SQLE: variants seen among roughly 807,000 people sequenced by gnomAD.
The protein encoded by SQLE is squalene monooxygenase.
Under a neutral mutation model 60.7 loss-of-function variants are expected in SQLE, and 29 were observed. The observed-to-expected ratio is 0.48, with a 90% CI of 0.36 to 0.65. The LOEUF (loss-of-function observed/expected upper bound fraction) is 0.65, where lower values mean the gene tolerates loss of function less well. Ranked by LOEUF, SQLE falls within the 30% of genes least tolerant of loss-of-function variation. SQLE has a pLI of 0.00. For synonymous variants in SQLE, 237 were observed against 246.8 expected (o/e 0.96, Z 0.37); for missense variants, 605 against 684.1 (o/e 0.88, Z 1.29).
chr8:125,011,961 G>A (rs1815046374), intron 7 of SQLE, among the ~76,000 whole-genome samples: 1 of 151,524 alleles, frequency 6.6e-6, no homozygotes, highest in African/African-American at 2.4e-5. Context: ...TGCAGAGCAG[G>A]GAGGGAAGCT....
chr8:125,020,753 C>CATATTG, intron 9 of SQLE, 31 bp from the exon 10 acceptor site: 1 of 1,364,770 alleles, frequency 7.3e-7, no homozygotes. Flanking sequence ...AGTGTGTACA[C>CATATTG]ATATTTGATT....
At chr8:125,017,323 A>C (rs944735435) in intron 7 of SQLE, among the ~76,000 whole-genome samples, 1 of 151,602 alleles carries the variant, frequency 6.6e-6, no homozygotes. Flanking sequence ...CTGGCACCCA[A>C]ACCTTAAGAC....
chr8:125,022,038 C>A lies in SQLE; in HGVS notation c.*93C>A. The stretch of plus-strand genomic sequence containing the variant: ...GGATATATATAGCATAGTACCATAC[C>A]ACTTATAAAGTGGAAACTCTTGGAC... On this transcript the variant is annotated 3_prime_UTR_variant, in exon 11 of 11. Coordinates refer to ENST00000265896, the MANE Select transcript of SQLE (RefSeq NM_003129.4). 1 of 877,746 alleles carries A rather than the reference C, an allele frequency of 1.1e-6. No individual in the cohort carries two copies. Among genetic ancestry groups the A allele is most frequent in the Admixed American group, 4.1e-5 (1 of 24,598 alleles). 54.4% of individuals were successfully genotyped at this position (877,746 alleles called of 1,614,324 possible). A position where few individuals can be genotyped will look rare whatever the true frequency, so the allele number is the denominator to read the frequency against.
chr8:125,009,900 C>T (rs760403698), intron 6 of SQLE, among the ~76,000 whole-genome samples: 13 of 152,124 alleles, frequency 8.5e-5, no homozygotes, highest in Non-Finnish European at 1.6e-4. Context: ...TCTCTGGACA[C>T]GAATCTGACT....
chr8:125,002,881 C>A (rs183083898), intron 1 of SQLE, among the ~76,000 whole-genome samples: 2 of 152,118 alleles, frequency 1.3e-5, no homozygotes, highest in East Asian at 3.9e-4. Flanking sequence ...TTATATTCGG[C>A]CCAGTGTGGA....
rs1216370465 is a variant in SQLE at position 124,998,529 on chromosome 8, G to C, written c.-875G>C. 2 of 665,818 alleles carry C rather than the reference G, an allele frequency of 3.0e-6. No homozygotes were observed. The highest frequency in any genetic ancestry group is 1.9e-5 in the African/African-American group (1 of 53,760). 41.2% of individuals were successfully genotyped at this position (665,818 alleles called of 1,614,324 possible). A position where few individuals can be genotyped will look rare whatever the true frequency, so the allele number is the denominator to read the frequency against. Reference sequence around the variant, plus strand: ...TGAGACGCGTGGAGCCTGGCGGCGAGTGGGGGCGTGCGACGGTTACTCTGG... The same window carrying C: ...TGAGACGCGTGGAGCCTGGCGGCGACTGGGGGCGTGCGACGGTTACTCTGG... On this transcript the variant is annotated 5_prime_UTR_variant, in exon 1 of 11. Transcript: ENST00000265896.
Position 125,009,155 on chromosome 8 carries a change from CT to C in SQLE, c.937-12del. 1 of 1,572,582 alleles carries C rather than the reference CT, an allele frequency of 6.4e-7. No individual in the cohort carries two copies. Among genetic ancestry groups the C allele is most frequent in the Non-Finnish European group, 8.6e-7 (1 of 1,162,218 alleles). ...AATTTGAAAATTATTAAAACATTTT[CT>C]TTTTATTTGTTTTAGAATGCACCAC... On this transcript the variant is annotated splice_polypyrimidine_tract_variant and intron_variant, in intron 5 of 10. Coordinates refer to ENST00000265896, the MANE Select transcript of SQLE (RefSeq NM_003129.4).
Position 125,008,976 on chromosome 8 carries a change from C to T in SQLE, c.828C>T (p.Leu276=). 6.4e-7 allele frequency: 1 copy of T among 1,564,654 alleles called. No individual in the cohort carries two copies. The highest frequency in any genetic ancestry group is 1.2e-5 in the South Asian group (1 of 81,684). ...KDKETGDIKE[L]HAPLTVVADG... is the part of the protein sequence containing the mutation. ...AGTCTTCATTTCTGTTATAGGAACT[C>T]CATGCTCCACTGACTGTTGTTGCAG... The change falls in exon 5 of 11, where the codon CTC becomes CTT. Residue 276 remains leucine, a synonymous_variant. Coordinates refer to ENST00000265896, the MANE Select transcript of SQLE (RefSeq NM_003129.4).
In SQLE at chr8:124,999,498, T is replaced by C; in HGVS notation, c.95T>C (p.Val32Ala). 1 of 1,607,606 alleles carries C rather than the reference T, an allele frequency of 6.2e-7. No homozygotes were observed. The highest frequency in any genetic ancestry group is 8.5e-7 in the Non-Finnish European group (1 of 1,176,498). ...TLANREVLLC[V>A]LVFLSLGLVL... is the part of the protein sequence containing the mutation. The stretch of plus-strand genomic sequence containing the variant: ...GCCAACAGGGAGGTCCTGTTGTGCG[T>C]GCTGGTGTTCCTCTCGCTGGGCCTG... The change falls in exon 1 of 11, where the codon GTG (valine) becomes GCG (alanine). Residue 32 changes from valine (V) to alanine (A), a missense_variant. Coordinates refer to ENST00000265896, the MANE Select transcript of SQLE (RefSeq NM_003129.4).
chr8:125,015,122 C>T (rs1430096410), intron 7 of SQLE, among the ~76,000 whole-genome samples: 1 of 152,164 alleles, frequency 6.6e-6, no homozygotes, highest in East Asian at 1.9e-4. Context: ...CATCCTCTTG[C>T]TGAATTGACC....
intron 7 of SQLE, among the ~76,000 whole-genome samples, chr8:125,014,341 A>T (rs990132023): frequency 6.6e-6 from 1 of 152,156 alleles, no homozygotes; most frequent in Admixed American, 6.5e-5. Flanking sequence ...AGTTTGTCTT[A>T]AAGGTTTGCT....
intron 2 of SQLE, among the ~76,000 whole-genome samples, chr8:125,004,059 T>C (rs1814908715): frequency 6.6e-6 from 1 of 152,158 alleles, no homozygotes; most frequent in Non-Finnish European, 1.5e-5. Context: ...GAGTTTTAGC[T>C]TAGGAATTTT....
At chr8:125,006,736 G>A (rs1357094153) in intron 3 of SQLE, among the ~76,000 whole-genome samples, 3 of 145,450 alleles carry the variant, frequency 2.1e-5, no homozygotes, top group Admixed American at 1.4e-4. Flanking sequence ...ACTGAGTCTC[G>A]CTCTGTCACC....
chr8:125,008,446 G>T (rs74305509), intron 4 of SQLE, among the ~76,000 whole-genome samples: 4,233 of 152,162 alleles, frequency 0.028, 118 homozygotes, highest in South Asian at 0.16. Context: ...ATTCTGGACT[G>T]CTCCCCATAG....
chr8:124,999,856 C>A, intron 1 of SQLE, 162 bp downstream of exon 1: 1 of 911,454 alleles, frequency 1.1e-6, no homozygotes, highest in Non-Finnish European at 1.7e-6. Context: ...TTGGTTACAT[C>A]TTTGACCTTC....
chr8:125,018,172 G>A lies in SQLE; in HGVS notation c.1318G>A (p.Asp440Asn), dbSNP rs1414010276. 3.7e-6 allele frequency: 6 copies of A among 1,606,850 alleles called. No homozygotes were observed. Among genetic ancestry groups the A allele is most frequent in the Non-Finnish European group, 4.2e-6 (5 of 1,178,276 alleles). Residue 440 changes from aspartate (D) to asparagine (N), a missense_variant, in exon 8 of 11, where the codon GAC becomes AAC. Asp to Asn is a conservative substitution (Grantham distance 23, BLOSUM62 1). Transcript: ENST00000265896. Reference protein sequence around the residue: ...LWRKLLKGIPDLYDDAAIFEA... With the variant: ...LWRKLLKGIPNLYDDAAIFEA... ...GAGAAAACTGCTAAAGGGTATCCCT[G>A]ACCTTTATGATGATGCAGCTATTTT...
At chr8:125,019,537 A>G (rs2129911916) in intron 9 of SQLE, among the ~76,000 whole-genome samples, 1 of 152,298 alleles carries the variant, frequency 6.6e-6, no homozygotes, top group South Asian at 2.1e-4. Context: ...GTGCCACTGC[A>G]CTCAGCCTGG....
chr8:125,021,013 G>T (rs367919321), intron 10 of SQLE, 142 bp downstream of exon 10: 2 of 624,218 alleles, frequency 3.2e-6, no homozygotes, highest in East Asian at 5.8e-5. Context: ...GTGGCCCAAA[G>T]AAATGAAGAA....
intron 1 of SQLE, among the ~76,000 whole-genome samples, chr8:125,002,770 G>A (rs922283908): frequency 1.3e-5 from 2 of 152,160 alleles, no homozygotes; most frequent in South Asian, 4.1e-4. Flanking sequence ...AGTTGTAAGT[G>A]ATTTGCATCT....
Sources: gnomAD v4.1 joint callset for allele counts (sites outside exome capture counted in the v4.1 genomes callset) on GRCh38, gnomAD v4.1.1 for gene constraint, MANE v1.5 for transcripts, NCBI Gene and HGNC (gene_info 2026-07-23, HGNC 2026-07-21) for gene names.